Variants in CHLSN observed in about 807,000 individuals in gnomAD.
CHLSN encodes the protein cholesin.
At chr7:1,029,395 G>A in the CHLSN span, among the ~76,000 whole-genome samples, 294 of 152,188 alleles carry the variant, frequency 1.9e-3, no homozygotes, top group African/African-American at 6.7e-3. Context: ...CCCAAAGTAC[G>A]GGGATTACAG....
the CHLSN span, among the ~76,000 whole-genome samples, chr7:1,054,861 C>T: frequency 2.0e-5 from 3 of 152,256 alleles, no homozygotes; most frequent in Non-Finnish European, 2.9e-5. Context: ...CCTCGGCCTC[C>T]GCTGTGCCTC....
chr7:1,135,787 A>T, the CHLSN span, among the ~76,000 whole-genome samples: 1 of 95,032 alleles, frequency 1.1e-5, no homozygotes, highest in Non-Finnish European at 2.1e-5. Context: ...ATATATATAT[A>T]TATATACACA....
the CHLSN span, among the ~76,000 whole-genome samples, chr7:1,115,995 C>T: frequency 2.2e-5 from 3 of 133,390 alleles, no homozygotes; most frequent in African/African-American, 7.9e-5. Flanking sequence ...TACGGACCGG[C>T]TTCCAGCACC....
At chr7:1,088,078 G>A in the CHLSN span, 2 of 152,462 alleles carry the variant, frequency 1.3e-5, no homozygotes, top group East Asian at 1.9e-4. This position sits in a 1 kb window ranked among gnomAD's most constrained non-coding sequence, Gnocchi z 4.5. Context: ...CGGGGCGGAG[G>A]GGGCCTATAA....
the CHLSN span, chr7:986,545 G>A: frequency 1.4e-5 from 22 of 1,535,518 alleles, no homozygotes; most frequent in African/African-American, 9.6e-5. Context: ...GAACACAGCC[G>A]CTGGGGACGA....
the CHLSN span, among the ~76,000 whole-genome samples, chr7:1,136,511 CATATATAAATATAT>C: frequency 3.8e-5 from 4 of 106,342 alleles, no homozygotes; most frequent in Middle Eastern, 5.6e-3. Flanking sequence ...TATATATAAA[CATATATAAATATAT>C]ATAAACATAT....
chr7:1,028,077 C>A, the CHLSN span, among the ~76,000 whole-genome samples: 1 of 151,900 alleles, frequency 6.6e-6, no homozygotes, highest in Non-Finnish European at 1.5e-5. Context: ...CGCAGCGGAG[C>A]CCCGAGAAGC....
the CHLSN span, among the ~76,000 whole-genome samples, chr7:1,005,106 AC>A: frequency 1.3e-5 from 2 of 152,324 alleles, no homozygotes; most frequent in South Asian, 4.1e-4. Context: ...CTTGGTTAAT[AC>A]GGTGAAACCC....
At chr7:1,000,187 G>A in the CHLSN span, among the ~76,000 whole-genome samples, 3,533 of 152,238 alleles carry the variant, frequency 0.023, 125 homozygotes, top group African/African-American at 0.08. Flanking sequence ...CCCTGAGGGC[G>A]GCCCCTTCAG....
chr7:1,068,024 G>A, the CHLSN span, among the ~76,000 whole-genome samples: 10,241 of 152,252 alleles, frequency 0.067, 391 homozygotes, highest in Admixed American at 0.11. Flanking sequence ...GCGTTTGGAC[G>A]CTGCAGCACA....
At chr7:1,009,217 C>A in the CHLSN span, among the ~76,000 whole-genome samples, 1 of 152,186 alleles carries the variant, frequency 6.6e-6, no homozygotes, top group Non-Finnish European at 1.5e-5. Flanking sequence ...AGTGCCCCCA[C>A]AGGACACCCT....
At chr7:1,085,803 G>C in the CHLSN span, among the ~76,000 whole-genome samples, 1 of 151,732 alleles carries the variant, frequency 6.6e-6, no homozygotes, top group Non-Finnish European at 1.5e-5. Flanking sequence ...ACTGCACACT[G>C]GCCTGGGCAA....
At chr7:1,032,338 C>T in the CHLSN span, among the ~76,000 whole-genome samples, 6 of 152,212 alleles carry the variant, frequency 3.9e-5, no homozygotes, top group African/African-American at 1.4e-4. Context: ...GAGGCCTCGG[C>T]GAGGCTCCTG....
the CHLSN span, chr7:1,137,834 C>G: frequency 6.6e-6 from 1 of 152,230 alleles, no homozygotes; most frequent in African/African-American, 2.4e-5. Context: ...AAAGTGGGAG[C>G]TGAAAGCCTC....
the CHLSN span, among the ~76,000 whole-genome samples, chr7:1,075,123 G>A: frequency 2.6e-5 from 4 of 152,278 alleles, no homozygotes; most frequent in African/African-American, 7.2e-5. Context: ...AACACAACCC[G>A]TCCTCTGGCC....
At chr7:1,034,368 G>A in the CHLSN span, among the ~76,000 whole-genome samples, 2 of 150,672 alleles carry the variant, frequency 1.3e-5, no homozygotes, top group Non-Finnish European at 3.0e-5. Flanking sequence ...CATGTTTCAT[G>A]CAACTCCTAC....
At chr7:1,009,801 A>G in the CHLSN span, 8 of 685,530 alleles carry the variant, frequency 1.2e-5, no homozygotes, top group East Asian at 3.0e-5. Flanking sequence ...CAGAAAGGGC[A>G]GCGGCGGCAG....
the CHLSN span, among the ~76,000 whole-genome samples, chr7:987,965 CTCTG>C: frequency 7.5e-6 from 1 of 133,996 alleles, no homozygotes; most frequent in African/African-American, 3.2e-5. Flanking sequence ...TGGGGGTCCC[CTCTG>C]TGTGTCCTGG....
chr7:989,788 A>C, the CHLSN span: 36 of 204,226 alleles, frequency 1.8e-4, no homozygotes, highest in East Asian at 5.8e-3. Flanking sequence ...TCAAACAAAC[A>C]GAAGGAAATG....
Sources: allele counts gnomAD v4.1 joint callset (sites outside exome capture counted in the v4.1 genomes callset), GRCh38; gene constraint gnomAD v4.1.1; non-coding constraint Gnocchi (gnomAD v3.1); transcripts MANE v1.5; gene names NCBI Gene and HGNC (gene_info 2026-07-23, HGNC 2026-07-21).